FGD6: variants seen among roughly 807,000 people sequenced by gnomAD.
The protein encoded by FGD6 is FYVE, RhoGEF and PH domain-containing protein 6.
Under a neutral mutation model 149.4 loss-of-function variants are expected in FGD6, and 90 were observed. That is an observed-to-expected ratio of 0.60 (90% CI 0.51 to 0.72). FGD6 has a LOEUF of 0.72. Ranked by LOEUF, FGD6 falls within the 30% of genes least tolerant of loss-of-function variation. The probability of loss-of-function intolerance (pLI) is 0.00; values close to 1 mark genes in which losing one functional copy is unlikely to be tolerated. For missense variants in FGD6, 1,437 were observed against 1,684.8 expected (o/e 0.85, Z 2.57); for synonymous variants, 527 against 584.0 (o/e 0.90, Z 1.41).
chr12:95,180,350 A>G (rs1881247465), intron 2 of FGD6, among the ~76,000 whole-genome samples: 1 of 150,956 alleles, frequency 6.6e-6, no homozygotes, highest in African/African-American at 2.4e-5. Context: ...TCTGGGACTA[A>G]AGTCCTGAGA....
chr12:95,103,299 T>C (rs1312148129), intron 14 of FGD6, among the ~76,000 whole-genome samples: 1 of 152,242 alleles, frequency 6.6e-6, no homozygotes, highest in Non-Finnish European at 1.5e-5. Context: ...TGTCTCATTA[T>C]TTAGATTGTG....
intron 7 of FGD6, among the ~76,000 whole-genome samples, chr12:95,136,963 C>T (rs1353229852): frequency 6.6e-6 from 1 of 152,150 alleles, no homozygotes; most frequent in Non-Finnish European, 1.5e-5. Flanking sequence ...TATTTTACCA[C>T]AGTTTAAAAA....
rs764555863 is a variant in FGD6, at chr12:95,106,907, CAAAACAAAACAAAACAA to C, written c.3417+30_3417+46del. 103 of 1,343,022 alleles carry C rather than the reference CAAAACAAAACAAAACAA, an allele frequency of 7.7e-5. 6 individuals are homozygous for C. The highest frequency in any genetic ancestry group is 1.1e-4 in the South Asian group (9 of 82,372). 83.2% of individuals were successfully genotyped at this position (1,343,022 alleles called of 1,614,324 possible). On this transcript the variant is annotated intron_variant, in intron 13 of 20. Coordinates refer to ENST00000343958, the MANE Select transcript of FGD6 (RefSeq NM_018351.4). Reference sequence around the variant, plus strand: ...AGACCCCGTCTCAAACAAAACAAAACAAAACAAAACAAAACAAAAAACAAAACATCTAACAGATGCAC... The same window carrying C: ...AGACCCCGTCTCAAACAAAACAAAACAAAACAAAACATCTAACAGATGCAC...
intron 2 of FGD6, among the ~76,000 whole-genome samples, chr12:95,174,190 T>A (rs1248701718): frequency 1.3e-5 from 2 of 152,122 alleles, no homozygotes; most frequent in African/African-American, 4.8e-5. Context: ...GTTAGATCAC[T>A]GGCAGGATTC....
At chr12:95,130,433 A>G (rs1303302018) in intron 8 of FGD6, among the ~76,000 whole-genome samples, 1 of 152,214 alleles carries the variant, frequency 6.6e-6, no homozygotes, top group African/African-American at 2.4e-5. Context: ...GCTCTTGTAT[A>G]TTTTGTGCAT....
chr12:95,195,364 T>A (rs1254215927), intron 2 of FGD6, among the ~76,000 whole-genome samples: 2 of 152,124 alleles, frequency 1.3e-5, no homozygotes, highest in East Asian at 3.9e-4. Context: ...CCAGGTTCTA[T>A]AACAAAAGCC....
intron 2 of FGD6, 129 bp downstream of exon 2, chr12:95,208,714 A>C (rs1004824435): frequency 1.8e-6 from 2 of 1,133,984 alleles, no homozygotes; most frequent in Non-Finnish European, 1.2e-6. Context: ...TGCACTTGAG[A>C]ATAATTACAC....
chr12:95,083,030 T>TATATATACACACACACACACACACACAC (rs772685891), intron 20 of FGD6, among the ~76,000 whole-genome samples: 1 of 56,596 alleles, frequency 1.8e-5, no homozygotes, highest in Non-Finnish European at 3.3e-5. Context: ...TATATATATA[T>TATATATACACACACACACACACACACAC]ACACACACAT....
chr12:95,152,787 A>G, intron 5 of FGD6, 24 bp downstream of exon 5: 1 of 1,605,490 alleles, frequency 6.2e-7, no homozygotes, highest in Non-Finnish European at 8.5e-7. Flanking sequence ...CTTAGACTTC[A>G]AGAAAATATT....
In FGD6 at chr12:95,113,539, A is replaced by G; in HGVS notation, c.3133+112T>C. ...GTGTGAGCCACCGCACCTGCCCTTC[A>G]AGTCGTATGAAGAGAGTTTGTAATG... is the stretch of plus-strand genomic sequence containing the variant. On this transcript the variant is annotated intron_variant, in intron 9 of 20. Transcript: ENST00000343958. The G allele has an allele frequency of 4.6e-6, 4 of 866,990 alleles. No individual in the cohort carries two copies. In the South Asian group the frequency reaches 4.7e-5, roughly 10 times the overall value. The allele number at this position is 866,990 out of a possible 1,614,324, so 53.7% of individuals were successfully genotyped here.
chr12:95,125,876 T>C (rs1879323442), intron 8 of FGD6: 1 of 1,244,422 alleles, frequency 8.0e-7, no homozygotes, highest in Non-Finnish European at 1.2e-6. Flanking sequence ...CTTTGGTTGG[T>C]GGACCTTGCG....
chr12:95,169,524 C>T (rs1880926506), intron 3 of FGD6, among the ~76,000 whole-genome samples: 1 of 152,146 alleles, frequency 6.6e-6, no homozygotes, highest in Non-Finnish European at 1.5e-5. Flanking sequence ...TGGGAGTCTC[C>T]ACTGCCCACA....
chr12:95,130,719 A>C (rs1414215761), intron 8 of FGD6, among the ~76,000 whole-genome samples: 1 of 152,100 alleles, frequency 6.6e-6, no homozygotes, highest in Non-Finnish European at 1.5e-5. Context: ...TTTTTACATA[A>C]AATTTAAAAA....
At chr12:95,165,285 A>C (rs1227008167) in intron 3 of FGD6, among the ~76,000 whole-genome samples, 1 of 151,854 alleles carries the variant, frequency 6.6e-6, no homozygotes, top group Non-Finnish European at 1.5e-5. Flanking sequence ...TCTTCATGCA[A>C]CATGAAGAAA....
At chr12:95,182,220 CTTTT>C (rs34662366) in intron 2 of FGD6, among the ~76,000 whole-genome samples, 5 of 135,292 alleles carry the variant, frequency 3.7e-5, no homozygotes, top group Non-Finnish European at 6.2e-5. Flanking sequence ...TGTATACATA[CTTTT>C]TTTTTTTTTT....
chr12:95,155,550 CA>C (rs953825246), intron 3 of FGD6, among the ~76,000 whole-genome samples: 1 of 151,666 alleles, frequency 6.6e-6, no homozygotes, highest in East Asian at 1.9e-4. Flanking sequence ...AAACAAAAAA[CA>C]AAAAAAACCT....
chr12:95,153,213 G>A (rs1484285522), intron 3 of FGD6, among the ~76,000 whole-genome samples: 1 of 152,232 alleles, frequency 6.6e-6, no homozygotes, highest in African/African-American at 2.4e-5. Flanking sequence ...ACTGTCATTA[G>A]CTGGATTGAT....
chr12:95,140,843 T>C (rs1175439684), intron 6 of FGD6, among the ~76,000 whole-genome samples: 2 of 152,202 alleles, frequency 1.3e-5, no homozygotes, highest in East Asian at 3.9e-4. Context: ...CGGCTGCATC[T>C]TGCTTCTGAG....
intron 14 of FGD6, among the ~76,000 whole-genome samples, chr12:95,099,861 T>C (rs1004333017): frequency 1.3e-5 from 2 of 152,144 alleles, no homozygotes; most frequent in Admixed American, 1.3e-4. Flanking sequence ...GTAACTCACA[T>C]TTAATCTCCC....
Sources: allele counts gnomAD v4.1 joint callset (sites outside exome capture counted in the v4.1 genomes callset), GRCh38; gene constraint gnomAD v4.1.1; transcripts MANE v1.5; gene names NCBI Gene and HGNC (gene_info 2026-07-23, HGNC 2026-07-21).